The following DNAH5 variants were observed in gnomAD, a reference collection of about 807,000 sequenced individuals.
The protein encoded by DNAH5 is axonemal beta dynein heavy chain 5.
Under a neutral mutation model 518.2 loss-of-function variants are expected in DNAH5, and 372 were observed. The observed-to-expected ratio is 0.72, with a 90% CI of 0.66 to 0.78. DNAH5 has a LOEUF of 0.78. Ranked by LOEUF, DNAH5 falls within the 30% of genes least tolerant of loss-of-function variation. DNAH5 has a pLI of 0.00. For synonymous variants in DNAH5, 2,039 were observed against 2,025.9 expected (o/e 1.01, Z -0.17); for missense variants, 5,523 against 5,687.0 (o/e 0.97, Z 0.93).
chr5:13,786,189 T>C lies in DNAH5; in HGVS notation c.8810A>G (p.His2937Arg), dbSNP rs942125907. Residue 2937 changes from histidine to arginine, a missense_variant, in exon 52 of 79, where the codon CAC becomes CGC. His to Arg is a conservative substitution (Grantham distance 29, BLOSUM62 0). Transcript: ENST00000265104. ...GAGTGGCTACTGTACCTTGACTAAGTGAACCATGGCATCTGCAAAGAACAC... is the reference window on the plus strand; with the variant it reads ...GAGTGGCTACTGTACCTTGACTAAGCGAACCATGGCATCTGCAAAGAACAC... Reference protein sequence around the residue: ...DMVFFADAMVHLVKISRVIRT... With the variant: ...DMVFFADAMVRLVKISRVIRT... The C allele has an allele frequency of 1.2e-6, 2 of 1,613,938 alleles. No homozygotes were observed. Among genetic ancestry groups the C allele is most frequent in the Non-Finnish European group, 1.7e-6 (2 of 1,179,926 alleles).
chr5:13,692,673 G>A lies in DNAH5; in HGVS notation c.13724-538C>T, dbSNP rs182482972. Among the ~76,000 whole-genome samples the A allele has an allele frequency of 1.2e-4, 18 of 152,296 alleles. No individual in the cohort carries two copies. In the East Asian group the frequency reaches 3.3e-3, roughly 28 times the overall value. Reference sequence around the variant, plus strand: ...ATATATGTAGAGAAATAAAATTGCTGGGACGCAGAGAGTAATGGCCCAATT... The same window carrying A: ...ATATATGTAGAGAAATAAAATTGCTAGGACGCAGAGAGTAATGGCCCAATT... On this transcript the variant is annotated intron_variant, in intron 78 of 78. Coordinates refer to ENST00000265104, the MANE Select transcript of DNAH5 (RefSeq NM_001369.3).
At position 13,721,077 on chromosome 5, in the gene DNAH5, T is replaced by C; in HGVS notation, c.12202A>G (p.Ile4068Val). Residue 4068 changes from isoleucine (I) to valine (V), a missense_variant, in exon 71 of 79, where the codon ATA (isoleucine) becomes GTA (valine). This residue lies in a region of DNAH5 where 5,121 missense variants were observed against 5,223.3 expected (regional missense o/e 0.98). Transcript: ENST00000265104. ...SIIALGKRLK[I>V]ETRYVSMGQG... ...CCCATGGACACATAACGGGTTTCTA[T>C]TTTTAATCTCTTCCCCAAGGCAATG... 5 of 1,614,144 alleles carry C rather than the reference T, an allele frequency of 3.1e-6. No individual in the cohort carries two copies. Among genetic ancestry groups the C allele is most frequent in the Non-Finnish European group, 4.2e-6 (5 of 1,179,998 alleles).
chr5:13,987,025 G>A (rs189764927), intron 1 of DNAH5, among the ~76,000 whole-genome samples: 58 of 152,246 alleles, frequency 3.8e-4, no homozygotes, highest in Admixed American at 3.1e-3. Flanking sequence ...GTGGGAAGCC[G>A]GAGCAAGGGA....
In DNAH5 at chr5:13,714,462, C is replaced by T. The variant is rs141961399; in HGVS notation, c.13068G>A (p.Val4356=). The T allele has an allele frequency of 2.2e-5, 36 of 1,614,010 alleles. No homozygotes were observed. Among genetic ancestry groups the T allele is most frequent in the Non-Finnish European group, 2.8e-5 (33 of 1,180,008 alleles). The change falls in exon 75 of 79, where the codon GTG becomes GTA. Residue 4356 remains valine, a synonymous_variant. Transcript: ENST00000265104. ...CCAGCATATCATCAGCCAGCCGGGC[C>T]ACCACCGCCTCCCGGGTCTCATCCC... is the stretch of plus-strand genomic sequence containing the variant. ...GGGDETREAV[V]ARLADDMLEK... is the part of the protein sequence containing the mutation.
intron 14 of DNAH5, 41 bp from the exon 15 acceptor site, chr5:13,900,453 A>G: frequency 6.6e-7 from 1 of 1,506,896 alleles, no homozygotes; most frequent in South Asian, 1.1e-5. Context: ...AGAAAGTTCA[A>G]TTCATGCAGA....
At chr5:13,861,727 C>T (rs6898503) in intron 29 of DNAH5, among the ~76,000 whole-genome samples, 55,945 of 151,802 alleles carry the variant, frequency 0.37, 10,578 homozygotes, top group South Asian at 0.45. Context: ...GAGGCCAAGG[C>T]GGGCAGATCA....
At chr5:13,972,631 T>C (rs1359576129) in intron 1 of DNAH5, among the ~76,000 whole-genome samples, 1 of 152,176 alleles carries the variant, frequency 6.6e-6, no homozygotes. Context: ...TGAGGATGAG[T>C]GCTCGGGAGC....
chr5:13,714,760 A>C, intron 74 of DNAH5, 140 bp from the exon 75 acceptor site: 1 of 825,964 alleles, frequency 1.2e-6, no homozygotes, highest in South Asian at 1.5e-5. Flanking sequence ...AAACTCAATA[A>C]TTTCTCCAGA....
At chr5:13,949,141 C>G (rs761375649), upstream of DNAH5, among the ~76,000 whole-genome samples, 1 of 152,110 alleles carries the variant, frequency 6.6e-6, no homozygotes, top group African/African-American at 2.4e-5. Flanking sequence ...ATAACTTAAG[C>G]AGAAGCAGAG....
At chr5:14,001,633 G>A (rs992219050) in intron 1 of DNAH5, among the ~76,000 whole-genome samples, 17 of 151,558 alleles carry the variant, frequency 1.1e-4, no homozygotes, top group African/African-American at 4.1e-4. Flanking sequence ...AAAGTGCTGG[G>A]ATTACAGGCA....
intron 1 of DNAH5, among the ~76,000 whole-genome samples, chr5:13,941,437 C>T (rs576962941): frequency 3.0e-4 from 45 of 152,164 alleles, no homozygotes; most frequent in Admixed American, 7.2e-4. Flanking sequence ...TTCCAGTGCT[C>T]TAAGGAAATG....
At chr5:13,892,380 G>C (rs979581997) in intron 16 of DNAH5, among the ~76,000 whole-genome samples, 2 of 152,182 alleles carry the variant, frequency 1.3e-5, no homozygotes, top group African/African-American at 4.8e-5. Context: ...TCAAGTTAGG[G>C]ATTATGTAAT....
intron 1 of DNAH5, among the ~76,000 whole-genome samples, chr5:14,011,242 A>T (rs1464928088): frequency 6.6e-6 from 1 of 152,180 alleles, no homozygotes; most frequent in Non-Finnish European, 1.5e-5. Flanking sequence ...CAGACACAAA[A>T]GCGACCTTCG....
At chr5:13,861,977 C>A (rs7737695) in intron 29 of DNAH5, among the ~76,000 whole-genome samples, 32,065 of 89,706 alleles carry the variant, frequency 0.36, 4,801 homozygotes, top group South Asian at 0.49. Context: ...AAAAAAAAAA[C>A]AAGTTCAAAT....
intron 70 of DNAH5, among the ~76,000 whole-genome samples, chr5:13,725,663 AT>A (rs374909179): frequency 0.015 from 2,243 of 149,790 alleles, 54 homozygotes; most frequent in African/African-American, 0.052. Context: ...TTTGTTGAGT[AT>A]TTTTTTTTTG....
intron 21 of DNAH5, among the ~76,000 whole-genome samples, chr5:13,879,014 G>T (rs1043989916): frequency 3.3e-5 from 5 of 152,074 alleles, no homozygotes; most frequent in African/African-American, 1.2e-4. Flanking sequence ...GGGTAGGGGG[G>T]ACAAAAAATA....
At chr5:13,809,249 C>G in intron 45 of DNAH5, 63 bp from the exon 46 acceptor site, 2 of 1,587,316 alleles carry the variant, frequency 1.3e-6, no homozygotes, top group Non-Finnish European at 1.7e-6. Flanking sequence ...CTGTAATGAG[C>G]AGACATCCTT....
At chr5:13,715,399 C>A (rs968027779) in intron 74 of DNAH5, among the ~76,000 whole-genome samples, 1 of 152,112 alleles carries the variant, frequency 6.6e-6, no homozygotes, top group African/African-American at 2.4e-5. Flanking sequence ...AATATATGTA[C>A]AGGCACCCCC....
At chr5:13,714,846 C>T (rs917852213) in intron 74 of DNAH5, among the ~76,000 whole-genome samples, 1 of 152,118 alleles carries the variant, frequency 6.6e-6, no homozygotes, top group African/African-American at 2.4e-5. Flanking sequence ...TTACAGTCTG[C>T]ACCTCAAACA....
Sources: allele counts gnomAD v4.1 joint callset (sites outside exome capture counted in the v4.1 genomes callset), GRCh38; gene constraint gnomAD v4.1.1; regional missense constraint gnomAD v4.1.1; transcripts MANE v1.5; gene names NCBI Gene and HGNC (gene_info 2026-07-23, HGNC 2026-07-21).